The following TMEM135 variants were observed in gnomAD, a reference collection of about 807,000 sequenced individuals.
TMEM135 encodes the protein peroxisomal membrane protein 52.
Under a neutral mutation model 60.3 loss-of-function variants are expected in TMEM135, and 30 were observed. The observed-to-expected ratio is 0.50, with a 90% CI of 0.37 to 0.68. The LOEUF (loss-of-function observed/expected upper bound fraction) is 0.68, where lower values mean the gene tolerates loss of function less well. Ranked by LOEUF, TMEM135 falls within the 30% of genes least tolerant of loss-of-function variation. The probability of loss-of-function intolerance (pLI) is 0.00; values close to 1 mark genes in which losing one functional copy is unlikely to be tolerated. For missense variants in TMEM135, 468 were observed against 548.8 expected, an observed-to-expected ratio of 0.85 and a Z score of 1.47; for synonymous variants, 190 against 186.7, an observed-to-expected ratio of 1.02 and a Z score of -0.14.
In TMEM135 at chr11:87,324,088, G is replaced by C; in HGVS notation, c.*2755G>C. 2.2e-6 allele frequency: 1 copy of C among 454,070 alleles called. No individual in the cohort carries two copies. 28.1% of individuals were successfully genotyped at this position (454,070 alleles called of 1,614,324 possible). ...ATCCAAACTGAGCAAATGTCACACA[G>C]TATTTTCTTGTTGTGCTCGAGTGTT... On this transcript the variant is annotated 3_prime_UTR_variant, in exon 15 of 15. Transcript: ENST00000305494.
intron 3 of TMEM135, among the ~76,000 whole-genome samples, chr11:87,076,929 T>C (rs559387060): frequency 1.6e-4 from 25 of 152,334 alleles, no homozygotes; most frequent in African/African-American, 4.8e-4. Flanking sequence ...TTAACTGTAG[T>C]ATAATATAAA....
intron 13 of TMEM135, among the ~76,000 whole-genome samples, chr11:87,318,861 G>T (rs150960783): frequency 2.0e-5 from 3 of 149,182 alleles, no homozygotes; most frequent in African/African-American, 4.9e-5. Flanking sequence ...TTTCAAAAGT[G>T]ACTTTTTTTT....
intron 4 of TMEM135, among the ~76,000 whole-genome samples, chr11:87,125,512 A>G (rs984651730): frequency 6.6e-6 from 1 of 152,220 alleles, no homozygotes; most frequent in Non-Finnish European, 1.5e-5. Context: ...CAAGATGACA[A>G]CAAGTTTGAT....
chr11:87,272,336 T>C (rs1190751098), intron 6 of TMEM135, among the ~76,000 whole-genome samples: 3 of 152,118 alleles, frequency 2.0e-5, no homozygotes, highest in African/African-American at 7.2e-5. Context: ...GATTACAGAC[T>C]GGAGCCACCG....
At chr11:87,201,679 G>A (rs1246941295) in intron 5 of TMEM135, among the ~76,000 whole-genome samples, 1 of 152,160 alleles carries the variant, frequency 6.6e-6, no homozygotes, top group African/African-American at 2.4e-5. Context: ...AATGTGAGGA[G>A]TGAATTTGGT....
intron 6 of TMEM135, among the ~76,000 whole-genome samples, chr11:87,253,433 G>T (rs1941460208): frequency 6.6e-6 from 1 of 151,784 alleles, no homozygotes; most frequent in Non-Finnish European, 1.5e-5. Context: ...TGAATATTTT[G>T]TTTGTGATTT....
rs1939504940 is a variant in TMEM135, at chr11:87,181,188, A to G, written c.462+23782A>G. On this transcript the variant is annotated intron_variant, in intron 5 of 14. Coordinates refer to ENST00000305494, the MANE Select transcript of TMEM135 (RefSeq NM_022918.4). ...AATATATTAAAATACTAAAATACCT[A>G]AAAATGTTCTAGATGAGTTCAACAG... is the stretch of plus-strand genomic sequence containing the variant. Among the ~76,000 whole-genome samples, 5 of 152,202 alleles carry G rather than the reference A, an allele frequency of 3.3e-5. No homozygotes were observed. In the South Asian group the frequency reaches 1.0e-3, roughly 32 times the overall value.
chr11:87,067,806 T>G lies in TMEM135; in HGVS notation c.254T>G (p.Phe85Cys). ...LTANGALYMA[F>C]FCILRKILGK... ...GCTAATGGGGCCTTGTATATGGCTT[T>G]CTTTTGCATTTTAAGGTTGGTACTC... The change falls in exon 2 of 15, where the codon TTC becomes TGC. Residue 85 changes from phenylalanine to cysteine, a missense_variant. Transcript: ENST00000305494. The G allele has an allele frequency of 6.2e-7, 1 of 1,613,822 alleles. No individual in the cohort carries two copies. Among genetic ancestry groups the G allele is most frequent in the Non-Finnish European group, 8.5e-7 (1 of 1,179,856 alleles).
intron 6 of TMEM135, among the ~76,000 whole-genome samples, chr11:87,267,416 G>C (rs545640222): frequency 6.6e-5 from 10 of 152,106 alleles, no homozygotes; most frequent in African/African-American, 2.4e-4. Context: ...CTAAAGAATG[G>C]AAAACTTGCT....
In TMEM135 at chr11:87,199,185, C is replaced by A. The variant is rs1370683809; in HGVS notation, c.463-37453C>A. On this transcript the variant is annotated intron_variant, in intron 5 of 14. Transcript: ENST00000305494. ...GACCAGCCTGGCCAACATGGTGAAA[C>A]CCTGTCGCTACTAAAAATACAAAAA... Among the ~76,000 whole-genome samples, 3 of 151,836 alleles carry A rather than the reference C, an allele frequency of 2.0e-5. No homozygotes were observed. In the South Asian group the frequency reaches 6.3e-4, roughly 32 times the overall value.
intron 1 of TMEM135, among the ~76,000 whole-genome samples, chr11:87,058,253 A>G (rs572054825): frequency 1.4e-4 from 22 of 152,324 alleles, no homozygotes; most frequent in African/African-American, 3.8e-4. Flanking sequence ...TCCTTGGCCC[A>G]GTTAGATTGA....
intron 5 of TMEM135, among the ~76,000 whole-genome samples, chr11:87,189,736 A>G (rs981301012): frequency 1.4e-5 from 2 of 146,014 alleles, no homozygotes; most frequent in African/African-American, 5.1e-5. Context: ...TGGGCTCAAC[A>G]TAGTGAGATC....
intron 3 of TMEM135, among the ~76,000 whole-genome samples, chr11:87,087,969 C>T (rs1217015974): frequency 1.3e-5 from 2 of 152,126 alleles, no homozygotes; most frequent in Non-Finnish European, 2.9e-5. Flanking sequence ...AACTGCCGAT[C>T]CCAGGTGATC....
intron 5 of TMEM135, among the ~76,000 whole-genome samples, 178 bp from the exon 6 acceptor site, chr11:87,236,460 T>G (rs1591126017): frequency 6.6e-6 from 1 of 152,038 alleles, no homozygotes; most frequent in South Asian, 2.1e-4. Flanking sequence ...GCCTGCAGGC[T>G]GCAGGTTGAA....
chr11:87,117,436 AGCACT>A (rs1033600283), intron 4 of TMEM135, among the ~76,000 whole-genome samples: 1 of 152,212 alleles, frequency 6.6e-6, no homozygotes, highest in East Asian at 1.9e-4. Flanking sequence ...AATTCTCTCA[AGCACT>A]GCTGCTGCTT....
At chr11:87,056,363 C>G (rs1357362676) in intron 1 of TMEM135, among the ~76,000 whole-genome samples, 1 of 152,180 alleles carries the variant, frequency 6.6e-6, no homozygotes, top group South Asian at 2.1e-4. Context: ...ACACCTCTGC[C>G]TCCCAAAGAG....
intron 6 of TMEM135, among the ~76,000 whole-genome samples, chr11:87,247,938 T>C (rs2135387405): frequency 6.6e-6 from 1 of 151,846 alleles, no homozygotes; most frequent in South Asian, 2.1e-4. Context: ...AAATCACCCG[T>C]CTTCTGCGTC....
chr11:87,296,138 G>T (rs1942344293), intron 7 of TMEM135, among the ~76,000 whole-genome samples: 1 of 152,108 alleles, frequency 6.6e-6, no homozygotes, highest in African/African-American at 2.4e-5. Flanking sequence ...TTACTGAAAA[G>T]TTAAGTATTT....
chr11:87,260,404 A>G (rs1367795532), intron 6 of TMEM135, among the ~76,000 whole-genome samples: 1 of 152,216 alleles, frequency 6.6e-6, no homozygotes. Context: ...GAAAACCACC[A>G]GCAACTTCTA....
Sources: gnomAD v4.1 joint callset for allele counts (sites outside exome capture counted in the v4.1 genomes callset) on GRCh38, gnomAD v4.1.1 for gene constraint, MANE v1.5 for transcripts, NCBI Gene and HGNC (gene_info 2026-07-23, HGNC 2026-07-21) for gene names.